Variants in LRRTM4 observed in about 807,000 individuals in gnomAD.
LRRTM4 encodes the protein leucine-rich repeat transmembrane neuronal protein 4.
In LRRTM4, 25 loss-of-function variants were observed where a neutral mutation model predicts 47.6. That is an observed-to-expected ratio of 0.53 (90% CI 0.38 to 0.73). The LOEUF is 0.73. Among genes scored for constraint, LRRTM4 ranks in the 30% least tolerant of loss-of-function variants. The pLI is 0.00. For missense variants in LRRTM4, 638 were observed against 713.4 expected (o/e 0.89, Z 1.20); for synonymous variants, 311 against 269.5 (o/e 1.15, Z -1.51).
chr2:77,408,166 T>G (rs1347012054), intron 3 of LRRTM4, among the ~76,000 whole-genome samples: 1 of 152,176 alleles, frequency 6.6e-6, no homozygotes, highest in Non-Finnish European at 1.5e-5. Flanking sequence ...TTTCCATTCC[T>G]ATCCTTTAAT....
intron 3 of LRRTM4, among the ~76,000 whole-genome samples, chr2:77,497,162 A>T (rs1678394688): frequency 6.6e-6 from 1 of 151,642 alleles, no homozygotes; most frequent in South Asian, 2.1e-4. Flanking sequence ...TATTTCTGAT[A>T]TTGGTAATTT....
intron 3 of LRRTM4, among the ~76,000 whole-genome samples, chr2:77,318,546 C>T (rs1214119389): frequency 1.3e-5 from 2 of 152,082 alleles, no homozygotes; most frequent in Non-Finnish European, 2.9e-5. Flanking sequence ...ATATAACTAC[C>T]CTTTTCAAGG....
intron 3 of LRRTM4, among the ~76,000 whole-genome samples, chr2:76,889,034 A>G (rs1433471726): frequency 6.6e-6 from 1 of 151,910 alleles, no homozygotes; most frequent in Non-Finnish European, 1.5e-5. Context: ...TCATTTAAAC[A>G]CTGAATTAGA....
chr2:77,475,858 CT>C (rs1320511973), intron 3 of LRRTM4, among the ~76,000 whole-genome samples: 3 of 151,680 alleles, frequency 2.0e-5, no homozygotes, highest in Admixed American at 6.6e-5. Flanking sequence ...ATTTATATTT[CT>C]TTTTTCCCTC....
intron 3 of LRRTM4, among the ~76,000 whole-genome samples, chr2:77,359,602 G>A (rs1672100859): frequency 6.6e-6 from 1 of 152,150 alleles, no homozygotes; most frequent in South Asian, 2.1e-4. Flanking sequence ...GATCATTAAG[G>A]TTTTTCAGTC....
chr2:76,803,409 A>G (rs906510096), intron 3 of LRRTM4, among the ~76,000 whole-genome samples: 1 of 152,142 alleles, frequency 6.6e-6, no homozygotes, highest in Non-Finnish European at 1.5e-5. Flanking sequence ...ATTACTTTAC[A>G]CCTGGTAAAA....
intron 3 of LRRTM4, among the ~76,000 whole-genome samples, chr2:76,974,906 T>C (rs1676367038): frequency 6.6e-6 from 1 of 151,798 alleles, no homozygotes; most frequent in African/African-American, 2.4e-5. Context: ...TCTTGGCATG[T>C]ATTTTAATAA....
chr2:77,000,626 C>G (rs1016721569), intron 3 of LRRTM4, among the ~76,000 whole-genome samples: 9 of 152,144 alleles, frequency 5.9e-5, no homozygotes, highest in Non-Finnish European at 1.3e-4. Context: ...CTTTATTGTC[C>G]TTTCAGTTTG....
At chr2:77,471,989 G>A (rs1227586709) in intron 3 of LRRTM4, among the ~76,000 whole-genome samples, 1 of 152,144 alleles carries the variant, frequency 6.6e-6, no homozygotes, top group Non-Finnish European at 1.5e-5. Context: ...CCTGCATAGA[G>A]CTGTGAAAAA....
At chr2:76,873,510 A>ATATATG (rs1672693926) in intron 3 of LRRTM4, among the ~76,000 whole-genome samples, 1 of 142,910 alleles carries the variant, frequency 7.0e-6, no homozygotes, top group African/African-American at 2.6e-5. Flanking sequence ...ATGTGTGTAT[A>ATATATG]TATATATATA....
chr2:77,153,881 T>C (rs1672491754), intron 3 of LRRTM4, among the ~76,000 whole-genome samples: 1 of 152,196 alleles, frequency 6.6e-6, no homozygotes, highest in Non-Finnish European at 1.5e-5. Context: ...CTTTTAATTA[T>C]TAAAAGCTTA....
chr2:77,325,444 T>C (rs892571109), intron 3 of LRRTM4, among the ~76,000 whole-genome samples: 1 of 152,136 alleles, frequency 6.6e-6, no homozygotes, highest in South Asian at 2.1e-4. Context: ...CTTAGCTATA[T>C]AGGGCTCTGG....
At chr2:77,052,293 C>T (rs954815095) in intron 3 of LRRTM4, among the ~76,000 whole-genome samples, 8 of 151,612 alleles carry the variant, frequency 5.3e-5, no homozygotes, top group East Asian at 1.9e-4. Context: ...CTCAACCTCC[C>T]GGGTAGCTGG....
chr2:77,245,517 CAAAAAAAAAA>C (rs770133274), intron 3 of LRRTM4, among the ~76,000 whole-genome samples: 1 of 86,460 alleles, frequency 1.2e-5, no homozygotes, highest in Non-Finnish European at 2.6e-5. Context: ...GACACTGCCT[CAAAAAAAAAA>C]AAAAAAAAAA....
intron 3 of LRRTM4, among the ~76,000 whole-genome samples, chr2:76,847,673 A>G (rs185696123): frequency 6.6e-6 from 1 of 152,070 alleles, no homozygotes; most frequent in African/African-American, 2.4e-5. Context: ...TTTCATTTAT[A>G]ATGATATTCC....
At chr2:76,831,229 GACAC>G (rs1158025028) in intron 3 of LRRTM4, among the ~76,000 whole-genome samples, 1 of 152,118 alleles carries the variant, frequency 6.6e-6, no homozygotes. Context: ...AATGAACAAA[GACAC>G]AAACATGTAT....
At chr2:77,462,521 T>A (rs1285188417) in intron 3 of LRRTM4, among the ~76,000 whole-genome samples, 5 of 151,962 alleles carry the variant, frequency 3.3e-5, no homozygotes, top group Non-Finnish European at 7.4e-5. Flanking sequence ...ACCAATCAGT[T>A]AATAAACCTC....
chr2:77,203,598 T>C (rs1240117932), intron 3 of LRRTM4, among the ~76,000 whole-genome samples: 2 of 152,168 alleles, frequency 1.3e-5, no homozygotes, highest in Non-Finnish European at 2.9e-5. Context: ...CATAAGTGTG[T>C]GTTTCTGATC....
At chr2:76,798,693 T>G (rs569187720) in intron 3 of LRRTM4, among the ~76,000 whole-genome samples, 3,131 of 150,466 alleles carry the variant, frequency 0.021, 82 homozygotes, top group African/African-American at 0.072. Context: ...ACAAAATTGA[T>G]AGACCGCTAG....
Sources: allele counts gnomAD v4.1 joint callset (sites outside exome capture counted in the v4.1 genomes callset), GRCh38; gene constraint gnomAD v4.1.1; transcripts MANE v1.5; gene names NCBI Gene and HGNC (gene_info 2026-07-23, HGNC 2026-07-21).